Variants in CDKAL1 observed in about 807,000 individuals in gnomAD.
The protein encoded by CDKAL1 is threonylcarbamoyladenosine tRNA methylthiotransferase.
A neutral mutation model predicts 68.2 loss-of-function variants in CDKAL1; 32 were observed. The observed-to-expected ratio is 0.47, with a 90% CI of 0.35 to 0.63. The LOEUF is 0.63. CDKAL1 is among the 30% of genes least tolerant of loss of function. CDKAL1 has a pLI of 0.00. For synonymous variants in CDKAL1, 234 were observed against 244.3 expected (o/e 0.96, Z 0.39); for missense variants, 606 against 696.7 (o/e 0.87, Z 1.47).
chr6:20,947,883 G>T (rs552970283), intron 9 of CDKAL1, among the ~76,000 whole-genome samples: 1 of 152,012 alleles, frequency 6.6e-6, no homozygotes, highest in Admixed American at 6.6e-5. Flanking sequence ...TCATAAAGTT[G>T]AAAAATCCTA....
chr6:20,680,387 A>G (rs2127790720), intron 5 of CDKAL1, among the ~76,000 whole-genome samples: 1 of 152,292 alleles, frequency 6.6e-6, no homozygotes, highest in South Asian at 2.1e-4. Flanking sequence ...GAGTTTTAAA[A>G]TAATTTTTAT....
intron 8 of CDKAL1, among the ~76,000 whole-genome samples, chr6:20,816,220 A>G (rs926836916): frequency 6.6e-6 from 1 of 151,296 alleles, no homozygotes; most frequent in South Asian, 2.1e-4. Flanking sequence ...ATCTACAAAG[A>G]CCCTGTTTTC....
At position 20,739,609 on chromosome 6, in the gene CDKAL1, C is replaced by T. The variant is rs1426102386; in HGVS notation, c.462C>T (p.Ile154=). The part of the protein sequence containing the change: ...PRQDYLKGLS[I]IGVQQIDRVV... ...AGGACTACCTTAAGGGACTGAGTAT[C>T]ATTGGGGTAAGCTTGTACCTGATGC... is the stretch of plus-strand genomic sequence containing the variant. The change falls in exon 6 of 16, where the codon ATC becomes ATT. Residue 154 remains isoleucine, a synonymous_variant. Coordinates refer to ENST00000274695, the MANE Select transcript of CDKAL1 (RefSeq NM_017774.3). 6.3e-7 allele frequency: 1 copy of T among 1,599,512 alleles called. No individual in the cohort carries two copies.
At chr6:21,044,422 A>T (rs1208998025) in intron 11 of CDKAL1, among the ~76,000 whole-genome samples, 1 of 152,188 alleles carries the variant, frequency 6.6e-6, no homozygotes, top group Non-Finnish European at 1.5e-5. Context: ...TACCACTCTG[A>T]TACCTGGCTG....
chr6:20,849,697 A>G (rs935478018), intron 9 of CDKAL1, among the ~76,000 whole-genome samples: 3 of 152,160 alleles, frequency 2.0e-5, no homozygotes, highest in Admixed American at 6.5e-5. Flanking sequence ...TAGCAAAAAC[A>G]TTAATGACTA....
At chr6:21,205,495 G>GTTTTT (rs1334114026) in intron 15 of CDKAL1, among the ~76,000 whole-genome samples, 2 of 151,950 alleles carry the variant, frequency 1.3e-5, no homozygotes, top group Admixed American at 6.6e-5. Flanking sequence ...GTTTTGTTTT[G>GTTTTT]ATAGTAGCCA....
At position 21,201,257 on chromosome 6, in the gene CDKAL1, G is replaced by A. The variant is rs774285114; in HGVS notation, c.1531G>A (p.Val511Ile). 17 of 1,609,108 alleles carry A rather than the reference G, an allele frequency of 1.1e-5. No individual in the cohort carries two copies. Among genetic ancestry groups the A allele is most frequent in the Admixed American group, 1.7e-5 (1 of 59,942 alleles). ...SISKPLAKGE[V>I]SGLTKDFRNG... Reference sequence around the variant, plus strand: ...CAGCAAACCGCTAGCAAAGGGAGAAGTCTCGGGTTTGACAAAGGTAAGTAA... The same window carrying A: ...CAGCAAACCGCTAGCAAAGGGAGAAATCTCGGGTTTGACAAAGGTAAGTAA... The change falls in exon 15 of 16, where the codon GTC (valine) becomes ATC (isoleucine). Residue 511 changes from valine to isoleucine, a missense_variant. Physicochemically the swap from Val to Ile is conservative, Grantham distance 29 (BLOSUM62 3). Transcript: ENST00000274695.
chr6:20,575,912 T>C (rs1377167662), intron 4 of CDKAL1, among the ~76,000 whole-genome samples: 1 of 152,202 alleles, frequency 6.6e-6, no homozygotes, highest in Non-Finnish European at 1.5e-5. Flanking sequence ...TCGTGCCCCT[T>C]ACCTTTAAAC....
At position 20,957,307 on chromosome 6, in the gene CDKAL1, C is replaced by T. The variant is rs186503414; in HGVS notation, c.909+1722C>T. On this transcript the variant is annotated intron_variant, in intron 10 of 15. Coordinates refer to ENST00000274695, the MANE Select transcript of CDKAL1 (RefSeq NM_017774.3). ...GCTCTGAGGTAACTAACCAAATACTCCTTGGAATAAATTCAGCATTTTAAT... is the reference window on the plus strand; with the variant it reads ...GCTCTGAGGTAACTAACCAAATACTTCTTGGAATAAATTCAGCATTTTAAT... 5.8e-4 allele frequency among the ~76,000 whole-genome samples: 89 copies of T among 152,270 alleles called. 1 individual carries two copies. The highest frequency in any genetic ancestry group is 1.1e-3 in the Non-Finnish European group (75 of 68,032).
chr6:20,964,503 T>A (rs1765206459), intron 10 of CDKAL1, among the ~76,000 whole-genome samples: 1 of 152,166 alleles, frequency 6.6e-6, no homozygotes, highest in African/African-American at 2.4e-5. Context: ...TGCAGGGACA[T>A]GGATGGAGCT....
chr6:20,828,159 T>G (rs1777574784), intron 8 of CDKAL1, among the ~76,000 whole-genome samples: 1 of 152,136 alleles, frequency 6.6e-6, no homozygotes. Flanking sequence ...AGCATGGGAT[T>G]TAGTTGGCAA....
intron 15 of CDKAL1, among the ~76,000 whole-genome samples, chr6:21,204,331 TGTG>T (rs1264224488): frequency 1.3e-5 from 2 of 152,196 alleles, no homozygotes; most frequent in Non-Finnish European, 2.9e-5. Flanking sequence ...TTATGCCATC[TGTG>T]TTCTTATCTA....
At chr6:20,568,758 A>C (rs1304078403) in intron 4 of CDKAL1, among the ~76,000 whole-genome samples, 3 of 145,392 alleles carry the variant, frequency 2.1e-5, no homozygotes, top group South Asian at 2.2e-4. Context: ...AAACAAAAAA[A>C]CAAAAAAACA....
chr6:20,746,578 G>C (rs1211310199), intron 6 of CDKAL1, among the ~76,000 whole-genome samples: 1 of 152,074 alleles, frequency 6.6e-6, no homozygotes, highest in Non-Finnish European at 1.5e-5. Context: ...GTAGGGACTT[G>C]GCTTAATAGA....
intron 9 of CDKAL1, among the ~76,000 whole-genome samples, chr6:20,903,277 CT>C (rs1424216539): frequency 1.8e-4 from 27 of 152,228 alleles, no homozygotes; most frequent in African/African-American, 6.3e-4. Context: ...GGATGTTAGT[CT>C]TTGAAATACT....
At chr6:21,176,887 T>TG (rs958894985) in intron 13 of CDKAL1, among the ~76,000 whole-genome samples, 10 of 151,596 alleles carry the variant, frequency 6.6e-5, no homozygotes, top group Admixed American at 3.9e-4. Flanking sequence ...TTAGTAGAGA[T>TG]GGGGTTTCAC....
intron 13 of CDKAL1, among the ~76,000 whole-genome samples, chr6:21,172,431 TG>T (rs1198755590): frequency 6.6e-6 from 1 of 152,180 alleles, no homozygotes; most frequent in African/African-American, 2.4e-5. Flanking sequence ...TTCTGTAGCA[TG>T]GGGATTGTGT....
At position 20,572,186 on chromosome 6, in the gene CDKAL1, A is replaced by G. The variant is rs1443304954; in HGVS notation, c.286+23481A>G. ...CTTCTCCCAAGATACCCATGAAAGC[A>G]ACTAAATTCATTGGTTATTAGGCAG... On this transcript the variant is annotated intron_variant, in intron 4 of 15. Transcript: ENST00000274695. Among the ~76,000 whole-genome samples the G allele has an allele frequency of 2.0e-5, 3 of 152,166 alleles. No individual in the cohort carries two copies. The East Asian group carries it at 5.8e-4, about 29-fold the overall frequency.
chr6:20,617,542 T>C (rs1766975386), intron 4 of CDKAL1, among the ~76,000 whole-genome samples: 1 of 152,178 alleles, frequency 6.6e-6, no homozygotes, highest in African/African-American at 2.4e-5. Flanking sequence ...ACATTAGATA[T>C]TTCTCCTAAT....
Sources: gnomAD v4.1 joint callset for allele counts (sites outside exome capture counted in the v4.1 genomes callset) on GRCh38, gnomAD v4.1.1 for gene constraint, MANE v1.5 for transcripts, NCBI Gene and HGNC (gene_info 2026-07-23, HGNC 2026-07-21) for gene names.